Variants in ATRNL1 observed in about 807,000 individuals in gnomAD.
ATRNL1 encodes the protein attractin-like protein 1.
Under a neutral mutation model 182.7 loss-of-function variants are expected in ATRNL1, and 95 were observed. The ratio of observed to expected loss-of-function variants is 0.52; its 90% confidence interval spans 0.44 to 0.62. The LOEUF (loss-of-function observed/expected upper bound fraction) is 0.62. Among genes scored for constraint, ATRNL1 ranks in the 20% least tolerant of loss-of-function variants. The probability of loss-of-function intolerance (pLI) is 0.00; values close to 1 mark genes in which losing one functional copy is unlikely to be tolerated. For synonymous variants in ATRNL1, 576 were observed against 568.3 expected (o/e 1.01, Z -0.19); for missense variants, 1,471 against 1,679.5 (o/e 0.88, Z 2.17).
At chr10:115,602,985 A>G (rs1190609607) in intron 26 of ATRNL1, among the ~76,000 whole-genome samples, 2 of 152,224 alleles carry the variant, frequency 1.3e-5, no homozygotes, top group Non-Finnish European at 2.9e-5. Context: ...TAAAACAGAT[A>G]CAAATGAACA....
intron 26 of ATRNL1, among the ~76,000 whole-genome samples, chr10:115,712,538 C>A (rs1947091418): frequency 1.3e-5 from 2 of 152,142 alleles, no homozygotes; most frequent in South Asian, 4.1e-4. Context: ...TGCATACTTA[C>A]CTCTTAGAGA....
chr10:115,479,251 A>G (rs1848658873), intron 24 of ATRNL1, among the ~76,000 whole-genome samples: 1 of 151,606 alleles, frequency 6.6e-6, no homozygotes, highest in South Asian at 2.1e-4. Flanking sequence ...TATGTGTTGT[A>G]AAAGTTTCTT....
At chr10:115,674,088 A>G (rs1404116568) in intron 26 of ATRNL1, among the ~76,000 whole-genome samples, 2 of 152,132 alleles carry the variant, frequency 1.3e-5, no homozygotes, top group Non-Finnish European at 2.9e-5. Context: ...GAGAAAGCAA[A>G]GAGATCTTTG....
At chr10:115,410,296 A>G (rs79553492) in intron 20 of ATRNL1, among the ~76,000 whole-genome samples, 3,206 of 151,272 alleles carry the variant, frequency 0.021, 125 homozygotes, top group African/African-American at 0.074. Context: ...GAGATTTCAG[A>G]AAGTTTAGCC....
chr10:115,095,079 G>A (rs1554862799), intron 1 of ATRNL1, among the ~76,000 whole-genome samples: 2 of 152,190 alleles, frequency 1.3e-5, no homozygotes, highest in African/African-American at 4.8e-5. Flanking sequence ...ATGGGTCACA[G>A]TGTAGGGGAG....
intron 19 of ATRNL1, among the ~76,000 whole-genome samples, chr10:115,370,439 T>A (rs1260184787): frequency 6.6e-6 from 1 of 152,142 alleles, no homozygotes; most frequent in Non-Finnish European, 1.5e-5. Context: ...ATGCTGATAA[T>A]GATATGGACA....
chr10:115,247,805 T>A (rs1224886406), intron 10 of ATRNL1, among the ~76,000 whole-genome samples: 4 of 152,036 alleles, frequency 2.6e-5, no homozygotes, highest in African/African-American at 9.7e-5. Context: ...ATTTGAAAAA[T>A]GTGGTATATA....
chr10:115,415,471 T>C (rs1845344493), intron 20 of ATRNL1, among the ~76,000 whole-genome samples: 1 of 151,926 alleles, frequency 6.6e-6, no homozygotes, highest in Non-Finnish European at 1.5e-5. Context: ...TTCCTCCCAG[T>C]TTGTCATATG....
intron 28 of ATRNL1, among the ~76,000 whole-genome samples, chr10:115,884,288 A>T (rs1177992576): frequency 2.0e-5 from 3 of 152,200 alleles, no homozygotes; most frequent in Admixed American, 1.3e-4. Context: ...ATGACACACC[A>T]ATTAACTCTA....
chr10:115,130,100 AGAC>A (rs1554874759), intron 5 of ATRNL1, among the ~76,000 whole-genome samples: 1 of 152,180 alleles, frequency 6.6e-6, no homozygotes, highest in Admixed American at 6.6e-5. Flanking sequence ...GATTAAGTTT[AGAC>A]TACAGTGAAG....
chr10:115,349,436 T>A (rs1380615183), intron 19 of ATRNL1, among the ~76,000 whole-genome samples: 2 of 152,236 alleles, frequency 1.3e-5, no homozygotes, highest in African/African-American at 4.8e-5. Flanking sequence ...ATGCAGATAT[T>A]TCTTTGATAT....
chr10:115,684,143 T>C (rs1277230046), intron 26 of ATRNL1, among the ~76,000 whole-genome samples: 3 of 151,778 alleles, frequency 2.0e-5, no homozygotes, highest in African/African-American at 7.2e-5. Context: ...TTTAGATACC[T>C]GGTAATTTCT....
intron 18 of ATRNL1, among the ~76,000 whole-genome samples, chr10:115,317,964 G>T (rs1411527979): frequency 6.6e-6 from 1 of 152,082 alleles, no homozygotes; most frequent in Non-Finnish European, 1.5e-5. Flanking sequence ...GGGCATTCTT[G>T]TCTTGTACTG....
intron 22 of ATRNL1, among the ~76,000 whole-genome samples, chr10:115,462,448 C>T (rs7901407): frequency 1.3e-5 from 2 of 151,912 alleles, no homozygotes; most frequent in Non-Finnish European, 2.9e-5. Context: ...CCCATCTCTA[C>T]TAAAAATACA....
intron 28 of ATRNL1, among the ~76,000 whole-genome samples, chr10:115,864,173 C>T (rs1040749886): frequency 2.0e-5 from 3 of 151,574 alleles, no homozygotes; most frequent in Admixed American, 2.0e-4. Flanking sequence ...GTGGGAGGAT[C>T]GCTTGATCCC....
In ATRNL1 at chr10:115,555,711, T is replaced by A. The variant is rs141253630; in HGVS notation, c.3795+6175T>A. Among the ~76,000 whole-genome samples, 1,503 of 152,052 alleles carry A rather than the reference T, an allele frequency of 9.9e-3. 19 individuals carry two copies. Among genetic ancestry groups the A allele is most frequent in the African/African-American group, 0.033 (1,381 of 41,558 alleles). On this transcript the variant is annotated intron_variant, in intron 26 of 28. Coordinates refer to ENST00000355044, the MANE Select transcript of ATRNL1 (RefSeq NM_207303.4). ...AAAATATATGACATAGTTTGTATGATGTTTCTATTTGTATAAATCACACAT... is the reference window on the plus strand; with the variant it reads ...AAAATATATGACATAGTTTGTATGAAGTTTCTATTTGTATAAATCACACAT...
intron 28 of ATRNL1, among the ~76,000 whole-genome samples, chr10:115,864,005 A>C (rs893992349): frequency 3.3e-5 from 5 of 152,236 alleles, no homozygotes; most frequent in Non-Finnish European, 1.5e-5. Context: ...CAATAAATGT[A>C]TGATCCATGA....
intron 5 of ATRNL1, among the ~76,000 whole-genome samples, chr10:115,154,067 C>T (rs1420332832): frequency 2.6e-5 from 4 of 151,198 alleles, no homozygotes; most frequent in Non-Finnish European, 5.9e-5. Context: ...GCACTGTGGT[C>T]TGAGAGACAG....
intron 26 of ATRNL1, among the ~76,000 whole-genome samples, chr10:115,649,175 A>C (rs1859826496): frequency 6.6e-6 from 1 of 152,158 alleles, no homozygotes; most frequent in Non-Finnish European, 1.5e-5. Context: ...TGTGCTTAAG[A>C]AATACGTTAT....
Sources: allele counts gnomAD v4.1 joint callset (sites outside exome capture counted in the v4.1 genomes callset), GRCh38; gene constraint gnomAD v4.1.1; transcripts MANE v1.5; gene names NCBI Gene and HGNC (gene_info 2026-07-23, HGNC 2026-07-21).